ATE1: variants seen among roughly 807,000 people sequenced by gnomAD.
ATE1 encodes arginyltransferase 1.
In ATE1, 36 loss-of-function variants were observed where a neutral mutation model predicts 70.5. That is an observed-to-expected ratio of 0.51 (90% CI 0.39 to 0.67). ATE1 has a LOEUF of 0.67. ATE1 is among the 30% of genes least tolerant of loss of function. ATE1 has a pLI of 0.00. For synonymous variants in ATE1, 232 were observed against 219.3 expected, an observed-to-expected ratio of 1.06 and a Z score of -0.51; for missense variants, 593 against 629.5, an observed-to-expected ratio of 0.94 and a Z score of 0.62.
intron 7 of ATE1, among the ~76,000 whole-genome samples, chr10:121,886,089 GT>G (rs1950387853): frequency 6.6e-6 from 1 of 151,984 alleles, no homozygotes; most frequent in Non-Finnish European, 1.5e-5. Flanking sequence ...CACTCAATAA[GT>G]TTCTAATCTT....
intron 4 of ATE1, among the ~76,000 whole-genome samples, chr10:121,912,658 TA>T (rs1330148156): frequency 6.7e-6 from 1 of 150,300 alleles, no homozygotes; most frequent in Non-Finnish European, 1.5e-5. Context: ...TCTCCAAAAA[TA>T]AAAGAAAGGC....
chr10:121,842,382 T>C (rs1312988751), intron 8 of ATE1, among the ~76,000 whole-genome samples: 1 of 152,160 alleles, frequency 6.6e-6, no homozygotes, highest in African/African-American at 2.4e-5. Flanking sequence ...TAGAGATTAC[T>C]AATTCAAGTG....
intron 10 of ATE1, among the ~76,000 whole-genome samples, chr10:121,807,252 ATAATCCTT>A (rs1428623564): frequency 6.6e-6 from 1 of 152,256 alleles, no homozygotes; most frequent in Non-Finnish European, 1.5e-5. Context: ...ACTACACTAT[ATAATCCTT>A]TAAATTTAGA....
At chr10:121,875,790 C>T (rs944258737) in intron 7 of ATE1, among the ~76,000 whole-genome samples, 5 of 152,154 alleles carry the variant, frequency 3.3e-5, no homozygotes, top group Non-Finnish European at 7.3e-5. Flanking sequence ...GAATTGCAGG[C>T]TACACTGATA....
chr10:121,894,638 G>A (rs550161698), intron 7 of ATE1, among the ~76,000 whole-genome samples: 20 of 152,146 alleles, frequency 1.3e-4, no homozygotes, highest in African/African-American at 4.3e-4. Context: ...GGGAGCTCAC[G>A]CCTGTAATCC....
At chr10:121,888,611 G>C (rs944558146) in intron 7 of ATE1, among the ~76,000 whole-genome samples, 1 of 152,054 alleles carries the variant, frequency 6.6e-6, no homozygotes, top group Non-Finnish European at 1.5e-5. Flanking sequence ...CACACCCTAC[G>C]ACACAGCATT....
At chr10:121,883,089 G>A (rs1950274718) in intron 7 of ATE1, among the ~76,000 whole-genome samples, 1 of 152,054 alleles carries the variant, frequency 6.6e-6, no homozygotes, top group African/African-American at 2.4e-5. Flanking sequence ...CTTTCCTCTT[G>A]ACTGTAACTT....
At chr10:121,833,301 TA>T (rs535442683) in intron 10 of ATE1, among the ~76,000 whole-genome samples, 15,321 of 144,244 alleles carry the variant, frequency 0.11, 2,353 homozygotes, top group African/African-American at 0.34. Context: ...AAATCTTTGT[TA>T]AAAAAAAAAA....
chr10:121,827,799 C>A (rs954096835), intron 10 of ATE1, among the ~76,000 whole-genome samples: 5 of 152,140 alleles, frequency 3.3e-5, no homozygotes, highest in Admixed American at 3.3e-4. Context: ...GTAATGACTA[C>A]AGAATATATG....
At chr10:121,795,043 T>C (rs903524701) in intron 10 of ATE1, among the ~76,000 whole-genome samples, 2 of 151,202 alleles carry the variant, frequency 1.3e-5, no homozygotes, top group African/African-American at 4.9e-5. Flanking sequence ...AGGCCAAGAG[T>C]TTGAGACCAG....
chr10:121,926,481 G>A (rs1285262823), intron 1 of ATE1, among the ~76,000 whole-genome samples: 2 of 152,092 alleles, frequency 1.3e-5, no homozygotes, highest in African/African-American at 4.8e-5. Flanking sequence ...CGAGATACTA[G>A]AAATTGATGA....
At chr10:121,904,399 T>C (rs1045186196) in intron 5 of ATE1, among the ~76,000 whole-genome samples, 2 of 150,974 alleles carry the variant, frequency 1.3e-5, no homozygotes, top group Non-Finnish European at 3.0e-5. Flanking sequence ...CCCAGCACTT[T>C]GGGAGGCCGA....
chr10:121,749,076 T>C (rs1191458873), intron 11 of ATE1, among the ~76,000 whole-genome samples: 3 of 152,192 alleles, frequency 2.0e-5, no homozygotes, highest in Non-Finnish European at 4.4e-5. Flanking sequence ...ACTTTGACTA[T>C]AAAAATGGCA....
chr10:121,760,388 T>C (rs1944989250), intron 11 of ATE1, among the ~76,000 whole-genome samples: 1 of 152,242 alleles, frequency 6.6e-6, no homozygotes, highest in Non-Finnish European at 1.5e-5. Context: ...ACATTTATTA[T>C]TCATGGGAGG....
intron 11 of ATE1, among the ~76,000 whole-genome samples, chr10:121,780,247 G>A (rs1227049286): frequency 6.6e-6 from 1 of 152,122 alleles, no homozygotes; most frequent in Non-Finnish European, 1.5e-5. Flanking sequence ...TCCACCTCCT[G>A]TTTCTCATTT....
intron 10 of ATE1, 95 bp downstream of exon 10, chr10:121,836,623 C>T (rs1211839029): frequency 2.7e-6 from 2 of 739,448 alleles, no homozygotes; most frequent in Non-Finnish European, 4.4e-6. Context: ...TTCGTCCTTC[C>T]TTCAAAGCTT....
At chr10:121,841,313 T>A (rs1948622166) in intron 8 of ATE1, 50 bp from the exon 9 acceptor site, 1 of 1,199,582 alleles carries the variant, frequency 8.3e-7, no homozygotes, top group Non-Finnish European at 1.1e-6. Context: ...ATTAAAATAA[T>A]CTTATAATTA....
In ATE1 at chr10:121,783,087, C is replaced by T. The variant is rs1406696969; in HGVS notation, c.1378+7082G>A. On this transcript the variant is annotated intron_variant, in intron 11 of 11. Transcript: ENST00000224652. ...AAAGTTTTTTACAATTTCTTTCTTT[C>T]TTTTTACACTCCTCTCAGCTCATAC... is the stretch of plus-strand genomic sequence containing the variant. Among the ~76,000 whole-genome samples, 3 of 152,120 alleles carry T rather than the reference C, an allele frequency of 2.0e-5. No individual in the cohort carries two copies. The East Asian group carries it at 5.8e-4, about 29-fold the overall frequency.
chr10:121,752,112 G>A (rs1261249536), intron 11 of ATE1, among the ~76,000 whole-genome samples: 1 of 150,610 alleles, frequency 6.6e-6, no homozygotes, highest in Non-Finnish European at 1.5e-5. Flanking sequence ...CAGGAGAATG[G>A]CATGAACCCA....
Sources: allele counts gnomAD v4.1 joint callset (sites outside exome capture counted in the v4.1 genomes callset), GRCh38; gene constraint gnomAD v4.1.1; transcripts MANE v1.5; gene names NCBI Gene and HGNC (gene_info 2026-07-23, HGNC 2026-07-21).